The following PLPP1 variants were observed in gnomAD, a reference collection of about 807,000 sequenced individuals.
PLPP1 encodes phospholipid phosphatase 1.
PLPP1 carries 24 observed loss-of-function variants against 31.2 expected under a neutral mutation model. That is an observed-to-expected ratio of 0.77 (90% CI 0.56 to 1.08). PLPP1 has a LOEUF of 1.08. Ranked by LOEUF, PLPP1 falls within the 50% of genes least tolerant of loss-of-function variation. The pLI is 0.00. For synonymous variants in PLPP1, 146 were observed against 126.3 expected, an observed-to-expected ratio of 1.16 and a Z score of -1.05; for missense variants, 319 against 342.7, an observed-to-expected ratio of 0.93 and a Z score of 0.55.
intron 1 of PLPP1, among the ~76,000 whole-genome samples, chr5:55,503,259 T>C (rs1753184501): frequency 6.6e-6 from 1 of 152,246 alleles, no homozygotes; most frequent in Non-Finnish European, 1.5e-5. Flanking sequence ...GGTATTACAA[T>C]ATTTATGCTT....
chr5:55,465,116 T>C (rs557480789), intron 3 of PLPP1, among the ~76,000 whole-genome samples: 1 of 151,690 alleles, frequency 6.6e-6, no homozygotes, highest in Non-Finnish European at 1.5e-5. Flanking sequence ...CAATCTCTGC[T>C]CACTGCAACC....
chr5:55,426,068 G>GTTTA lies in PLPP1; in HGVS notation c.550-33_550-30dup, dbSNP rs1373838904. 7.8e-6 allele frequency: 12 copies of GTTTA among 1,540,560 alleles called. No homozygotes were observed. In the South Asian group the frequency reaches 1.5e-4, roughly 19 times the overall value. Reference sequence around the variant, plus strand: ...AAAGAAAAGAATAAAGAAAAAAATAGTTTATTTAACATAACGCAAAACTTT... The same window carrying GTTTA: ...AAAGAAAAGAATAAAGAAAAAAATAGTTTATTTATTTAACATAACGCAAAACTTT... On this transcript the variant is annotated intron_variant, in intron 4 of 5. Coordinates refer to ENST00000307259, the MANE Select transcript of PLPP1 (RefSeq NM_003711.4).
intron 3 of PLPP1, among the ~76,000 whole-genome samples, chr5:55,452,721 G>A (rs1751919493): frequency 6.6e-6 from 1 of 152,100 alleles, no homozygotes; most frequent in South Asian, 2.1e-4. Flanking sequence ...TCTCTGAAGA[G>A]CACTCAATTA....
intron 3 of PLPP1, among the ~76,000 whole-genome samples, chr5:55,456,090 G>GC (rs1389068954): frequency 6.6e-6 from 1 of 151,948 alleles, no homozygotes; most frequent in African/African-American, 2.4e-5. Flanking sequence ...TTCTAATATT[G>GC]CAAGTATATA....
intron 1 of PLPP1, among the ~76,000 whole-genome samples, chr5:55,487,547 A>T (rs989667340): frequency 1.3e-5 from 2 of 152,102 alleles, no homozygotes; most frequent in Middle Eastern, 3.2e-3. Flanking sequence ...TCTTAAAAAG[A>T]TTATGAACCT....
intron 1 of PLPP1, among the ~76,000 whole-genome samples, chr5:55,529,483 C>G (rs919344388): frequency 7.9e-5 from 12 of 152,086 alleles, no homozygotes; most frequent in African/African-American, 2.7e-4. Flanking sequence ...ACAAATCAGT[C>G]AAAGACTGAA....
intron 3 of PLPP1, among the ~76,000 whole-genome samples, chr5:55,460,803 G>GC (rs1162844810): frequency 6.6e-6 from 1 of 152,072 alleles, no homozygotes; most frequent in African/African-American, 2.4e-5. Context: ...CTATGACTGG[G>GC]CCACCGCACT....
At chr5:55,479,704 G>A (rs1344427113) in intron 1 of PLPP1, among the ~76,000 whole-genome samples, 2 of 152,070 alleles carry the variant, frequency 1.3e-5, no homozygotes, top group African/African-American at 4.8e-5. Context: ...TGCTGTTTGG[G>A]GTTATTAGAG....
At chr5:55,503,164 C>T (rs980298415) in intron 1 of PLPP1, among the ~76,000 whole-genome samples, 6 of 152,222 alleles carry the variant, frequency 3.9e-5, no homozygotes, top group Non-Finnish European at 5.9e-5. Flanking sequence ...ACTGTTCCTA[C>T]CCTCAGGTGA....
chr5:55,517,466 G>C (rs1295140423), intron 1 of PLPP1, among the ~76,000 whole-genome samples: 5 of 152,080 alleles, frequency 3.3e-5, no homozygotes, highest in Non-Finnish European at 7.4e-5. Context: ...CAAAGTGCTG[G>C]GAATACAGGT....
In PLPP1 at chr5:55,493,238, C is replaced by A. The variant is rs544507302; in HGVS notation, c.59-17788G>T. On this transcript the variant is annotated intron_variant, in intron 1 of 5. Transcript: ENST00000307259. ...GGTGAGGCAGGAGGATCCCTTGAGC[C>A]CAAGAGGTAAAGGCTTCAGTAAGCC... Among the ~76,000 whole-genome samples, 125 of 151,366 alleles carry A rather than the reference C, an allele frequency of 8.3e-4. 1 individual carries two copies. Among genetic ancestry groups the A allele is most frequent in the African/African-American group, 2.9e-3 (121 of 41,250 alleles).
chr5:55,438,420 T>G (rs188307902), intron 4 of PLPP1, among the ~76,000 whole-genome samples: 1 of 152,314 alleles, frequency 6.6e-6, no homozygotes, highest in African/African-American at 2.4e-5. Flanking sequence ...GAGCCATTTT[T>G]AACTAGAAGT....
intron 4 of PLPP1, among the ~76,000 whole-genome samples, chr5:55,435,720 AT>A (rs2111687255): frequency 6.6e-6 from 1 of 152,302 alleles, no homozygotes; most frequent in East Asian, 1.9e-4. Flanking sequence ...GATACATCAT[AT>A]TCTTCGCCTG....
intron 2 of PLPP1, among the ~76,000 whole-genome samples, chr5:55,474,636 C>T (rs551939795): frequency 7.9e-4 from 120 of 152,276 alleles, no homozygotes; most frequent in African/African-American, 2.8e-3. Flanking sequence ...ATGATATGAT[C>T]TAAAAATTAT....
At chr5:55,529,108 G>A (rs181141579) in intron 1 of PLPP1, among the ~76,000 whole-genome samples, 1 of 151,936 alleles carries the variant, frequency 6.6e-6, no homozygotes, top group Non-Finnish European at 1.5e-5. Flanking sequence ...ACTTAGCACT[G>A]TGACTATCAC....
At chr5:55,450,994 G>A (rs918244566) in intron 3 of PLPP1, among the ~76,000 whole-genome samples, 3 of 152,218 alleles carry the variant, frequency 2.0e-5, no homozygotes, top group African/African-American at 7.2e-5. Context: ...GAGACCCTGA[G>A]ACTTCTACTC....
At chr5:55,462,960 G>A (rs577052568) in intron 3 of PLPP1, among the ~76,000 whole-genome samples, 7 of 150,536 alleles carry the variant, frequency 4.7e-5, no homozygotes, top group Middle Eastern at 3.4e-3. Flanking sequence ...GGGATACAGC[G>A]AGACTCCATC....
At chr5:55,447,973 T>A (rs1751804877) in intron 3 of PLPP1, among the ~76,000 whole-genome samples, 2 of 152,160 alleles carry the variant, frequency 1.3e-5, no homozygotes, top group African/African-American at 4.8e-5. Flanking sequence ...GATTATAAAG[T>A]TTATATAACA....
chr5:55,445,838 C>T (rs1387901823), intron 3 of PLPP1, among the ~76,000 whole-genome samples: 2 of 152,162 alleles, frequency 1.3e-5, no homozygotes, highest in Non-Finnish European at 2.9e-5. Context: ...AGCCACTGTG[C>T]CCAGCCTACA....
Sources: allele counts gnomAD v4.1 joint callset (sites outside exome capture counted in the v4.1 genomes callset), GRCh38; gene constraint gnomAD v4.1.1; transcripts MANE v1.5; gene names NCBI Gene and HGNC (gene_info 2026-07-23, HGNC 2026-07-21).